The following ZSCAN18 variants were observed in gnomAD, a reference collection of about 807,000 sequenced individuals.
ZSCAN18 encodes the protein zinc finger and SCAN domain containing 18.
ZSCAN18 carries 16 observed loss-of-function variants against 31.1 expected under a neutral mutation model. The observed-to-expected ratio is 0.51, with a 90% confidence interval of 0.35 to 0.78. The LOEUF (loss-of-function observed/expected upper bound fraction) is 0.78. Among genes scored for constraint, ZSCAN18 ranks in the 30% least tolerant of loss-of-function variants. The probability of loss-of-function intolerance (pLI) is 0.01; values close to 1 mark genes in which losing one functional copy is unlikely to be tolerated. For missense variants in ZSCAN18, 731 were observed against 697.4 expected (o/e 1.05, Z -0.54); for synonymous variants, 375 against 320.7 (o/e 1.17, Z -1.81).
chr19:58,102,982 T>TGCG (rs1215807332), upstream of ZSCAN18, among the ~76,000 whole-genome samples: 8 of 151,852 alleles, frequency 5.3e-5, no homozygotes, highest in Admixed American at 5.3e-4. Flanking sequence ...ATTAGCTGGG[T>TGCG]GTGGTGGTGT....
At chr19:58,097,863 C>T in intron 1 of ZSCAN18, 2 of 957,404 alleles carry the variant, frequency 2.1e-6, no homozygotes, top group Non-Finnish European at 2.5e-6. Flanking sequence ...TTCTCCCACC[C>T]ACAGGGTGCC....
At chr19:58,092,515 G>T in intron 1 of ZSCAN18, 1 of 165,530 alleles carries the variant, frequency 6.0e-6, no homozygotes, top group Non-Finnish European at 1.2e-5. Context: ...GGTGGAGGCT[G>T]TAGTGAGCTG....
chr19:58,098,749 G>C (rs2074567143), upstream of ZSCAN18, among the ~76,000 whole-genome samples: 2 of 152,226 alleles, frequency 1.3e-5, no homozygotes, highest in Non-Finnish European at 1.5e-5. Context: ...GAGAGACCCA[G>C]AGAAAAGGAG....
At chr19:58,094,470 T>C (rs1419011015) in intron 1 of ZSCAN18, among the ~76,000 whole-genome samples, 1 of 151,246 alleles carries the variant, frequency 6.6e-6, no homozygotes, top group Non-Finnish European at 1.5e-5. Context: ...GAATAGCAGA[T>C]ATAAAGGGCC....
chr19:58,112,717 A>AG (rs746918359), intron 1 of ZSCAN18, among the ~76,000 whole-genome samples: 150 of 152,004 alleles, frequency 9.9e-4, no homozygotes, highest in Non-Finnish European at 1.7e-3. Context: ...GAGGAGGCCG[A>AG]GGGGGGCAGA....
intron 1 of ZSCAN18, among the ~76,000 whole-genome samples, chr19:58,111,349 G>A (rs1568645379): frequency 2.0e-5 from 3 of 151,740 alleles, no homozygotes; most frequent in African/African-American, 4.8e-5. Flanking sequence ...TGAACCCCCC[G>A]AAAAAAATTT....
chr19:58,090,573 C>G lies in ZSCAN18; in HGVS notation c.-119-187G>C. 1 of 535,066 alleles carries G rather than the reference C, an allele frequency of 1.9e-6. No individual in the cohort carries two copies. Among genetic ancestry groups the G allele is most frequent in the Non-Finnish European group, 3.2e-6 (1 of 316,028 alleles). 33.1% of individuals were successfully genotyped at this position (535,066 alleles called of 1,614,324 possible). On this transcript the variant is annotated intron_variant, in intron 1 of 6. Transcript: ENST00000601144. This position sits in a 1 kb window ranked among gnomAD's most constrained non-coding sequence, Gnocchi z 4.7. ...AAAGTAGCATGTAAATGGAGGGTAA[C>G]TCATTCTGTGCATTACCAGAATTTT...
chr19:58,088,581 G>T, intron 3 of ZSCAN18, 107 bp downstream of exon 3: 1 of 1,142,884 alleles, frequency 8.7e-7, no homozygotes, highest in Non-Finnish European at 1.2e-6. Flanking sequence ...ATGGACCATG[G>T]AGCCCCTGAC....
intron 1 of ZSCAN18, among the ~76,000 whole-genome samples, chr19:58,110,474 A>G (rs2074673243): frequency 6.6e-6 from 1 of 152,126 alleles, no homozygotes. Context: ...AGATCTGCCC[A>G]TCATTACACC....
At chr19:58,089,251 C>A (rs1370593788) in intron 2 of ZSCAN18, among the ~76,000 whole-genome samples, 1 of 111,634 alleles carries the variant, frequency 9.0e-6, no homozygotes, top group East Asian at 2.8e-4. Flanking sequence ...TGCAGTGAGC[C>A]GAGATCCCGC....
chr19:58,089,074 C>A (rs562739758), intron 2 of ZSCAN18, among the ~76,000 whole-genome samples: 1 of 151,760 alleles, frequency 6.6e-6, no homozygotes, highest in Non-Finnish European at 1.5e-5. Context: ...GAGGCCGAGG[C>A]GGGCGGATCA....
Position 58,117,719 on chromosome 19 carries a change from G to GAA in ZSCAN18, c.130+546_130+547dup, listed in dbSNP as rs34961124. 1.4e-3 allele frequency among the ~76,000 whole-genome samples: 200 copies of GAA among 138,686 alleles called. 1 individual carries two copies. The highest frequency in any genetic ancestry group is 1.9e-3 in the Non-Finnish European group (124 of 65,310). The allele number at this position is 138,686 out of a possible 152,430, so 91.0% of individuals were successfully genotyped here. The stretch of plus-strand genomic sequence containing the variant: ...GAGAAAAGGCCATCTGTGCCCGCAG[G>GAA]AAAAAAAAAAAAAGAGAATATTGGG... On this transcript the variant is annotated intron_variant, in intron 1 of 1. Coordinates refer to the ZSCAN18 transcript ENST00000595721.
At chr19:58,097,758 T>G (rs1330952994) in intron 1 of ZSCAN18, among the ~76,000 whole-genome samples, 1 of 81,688 alleles carries the variant, frequency 1.2e-5, no homozygotes, top group African/African-American at 4.8e-5. Context: ...CTCCCCCTTT[T>G]CGCCCCCCTC....
intron 1 of ZSCAN18, among the ~76,000 whole-genome samples, chr19:58,111,061 G>A (rs988868450): frequency 4.6e-5 from 7 of 152,204 alleles, no homozygotes; most frequent in Middle Eastern, 6.8e-3. Context: ...CCAGCTACTC[G>A]GGAGGCTGAG....
chr19:58,104,959 C>G (rs978857100), intron 1 of ZSCAN18, among the ~76,000 whole-genome samples: 4 of 152,174 alleles, frequency 2.6e-5, no homozygotes, highest in African/African-American at 4.8e-5. Flanking sequence ...AGTGTTTTCA[C>G]AACTAGAAAG....
At position 58,085,101 on chromosome 19, in the gene ZSCAN18, G is replaced by A. The variant is rs1224309505; in HGVS notation, c.1117C>T (p.His373Tyr). 1 of 1,606,818 alleles carries A rather than the reference G, an allele frequency of 6.2e-7. No homozygotes were observed. The highest frequency in any genetic ancestry group is 1.3e-5 in the African/African-American group (1 of 74,780). Residue 373 changes from histidine (H) to tyrosine (Y), a missense_variant, in exon 7 of 7, where the codon CAC becomes TAC. Transcript: ENST00000601144. ...CTCTGCCCGTCCCCATCCTCGGGGT[G>A]CGGCCTCTTGGTTCCCAGTTTCGCC... Reference protein sequence around the residue: ...GTAKLGTKRPHPEDGDGQSLE... With the variant: ...GTAKLGTKRPYPEDGDGQSLE...
chr19:58,084,401 A>G lies in ZSCAN18; in HGVS notation c.*284T>C. The G allele has an allele frequency of 2.5e-6, 1 of 393,330 alleles. No individual in the cohort carries two copies. The highest frequency in any genetic ancestry group is 7.3e-5 in the South Asian group (1 of 13,704). The allele number at this position is 393,330 out of a possible 1,614,324, so 24.4% of individuals were successfully genotyped here. On this transcript the variant is annotated 3_prime_UTR_variant, in exon 7 of 7. Transcript: ENST00000601144. The surrounding 1 kb of genome is among the most constrained non-coding windows in gnomAD (Gnocchi z 4.5). ...ACTGCACAATGTCAAATAACCTAGC[A>G]TGGGGCGGCACTAAATGGCTGCAGG...
chr19:58,084,528 G>A lies in ZSCAN18; in HGVS notation c.*157C>T. On this transcript the variant is annotated 3_prime_UTR_variant, in exon 7 of 7. Coordinates refer to ENST00000601144, the MANE Select transcript of ZSCAN18 (RefSeq NM_001145543.2). The surrounding 1 kb of genome is among the most constrained non-coding windows in gnomAD (Gnocchi z 4.5). ...GGGCTTCCCGTGGACCCTTCTCGTT[G>A]GGAGCGCTTAGCCTCAGGAGCGGAT... The A allele has an allele frequency of 1.4e-6, 1 of 698,336 alleles. No individual in the cohort carries two copies. Among genetic ancestry groups the A allele is most frequent in the Non-Finnish European group, 2.2e-6 (1 of 461,114 alleles). 43.3% of individuals were successfully genotyped at this position (698,336 alleles called of 1,614,324 possible). A position where few individuals can be genotyped will look rare whatever the true frequency, so the allele number is the denominator to read the frequency against.
rs569251757 is a variant in ZSCAN18, at chr19:58,111,159, C to G, written c.130+7108G>C. Reference sequence around the variant, plus strand: ...CTCCAGCCTGGGCGACAGAGCAAGACTCCGTCTCAAAAAAAAAAAATTCCC... The same window carrying G: ...CTCCAGCCTGGGCGACAGAGCAAGAGTCCGTCTCAAAAAAAAAAAATTCCC... On this transcript the variant is annotated intron_variant, in intron 1 of 1. Coordinates refer to the ZSCAN18 transcript ENST00000595721. Among the ~76,000 whole-genome samples the G allele has an allele frequency of 1.2e-4, 14 of 121,618 alleles. No individual in the cohort carries two copies. The South Asian group carries it at 3.9e-3, about 33-fold the overall frequency. The allele number at this position is 121,618 out of a possible 152,430, so 79.8% of individuals were successfully genotyped here.
Sources: gnomAD v4.1 joint callset for allele counts (sites outside exome capture counted in the v4.1 genomes callset) on GRCh38, gnomAD v4.1.1 for gene constraint, Gnocchi (gnomAD v3.1) non-coding constraint, MANE v1.5 for transcripts, NCBI Gene and HGNC (gene_info 2026-07-23, HGNC 2026-07-21) for gene names.